Variants in TBC1D19 observed in about 807,000 individuals in gnomAD.
The protein encoded by TBC1D19 is TBC1 domain family, member 19.
TBC1D19 carries 60 observed loss-of-function variants against 89.0 expected under a neutral mutation model. The ratio of observed to expected loss-of-function variants is 0.67; its 90% CI spans 0.55 to 0.84. The LOEUF (loss-of-function observed/expected upper bound fraction) is 0.84. Among genes scored for constraint, TBC1D19 ranks in the 40% least tolerant of loss-of-function variants. TBC1D19 has a pLI of 0.00. For synonymous variants in TBC1D19, 189 were observed against 199.7 expected, an observed-to-expected ratio of 0.95 and a Z score of 0.45; for missense variants, 500 against 610.8, an observed-to-expected ratio of 0.82 and a Z score of 1.91.
chr4:26,733,664 T>G (rs534662130), intron 15 of TBC1D19, among the ~76,000 whole-genome samples: 33 of 152,362 alleles, frequency 2.2e-4, no homozygotes, highest in African/African-American at 7.9e-4. Flanking sequence ...GAGGACATGG[T>G]ATACTTATCA....
the TBC1D19 span, among the ~76,000 whole-genome samples, chr4:26,779,051 G>A: frequency 1.3e-5 from 2 of 152,080 alleles, no homozygotes; most frequent in African/African-American, 2.4e-5. Flanking sequence ...AAAACAGTAC[G>A]GTTAGTCCTT....
chr4:26,707,634 T>C (rs1301634752), intron 13 of TBC1D19, among the ~76,000 whole-genome samples: 1 of 151,890 alleles, frequency 6.6e-6, no homozygotes, highest in Non-Finnish European at 1.5e-5. Flanking sequence ...TTCTTTTGGG[T>C]TTAGTTGGGG....
In TBC1D19 at chr4:26,648,488, A is replaced by G. The variant is rs370807235; in HGVS notation, c.480+8301A>G. On this transcript the variant is annotated intron_variant, in intron 7 of 20. Transcript: ENST00000264866. ...TTCTGGAGATTAGCATAACACTACC[A>G]CAGGTCAGCTGTAAGTTAATCCTGT... Among the ~76,000 whole-genome samples the G allele has an allele frequency of 2.0e-5, 3 of 152,338 alleles. No homozygotes were observed. In the East Asian group the frequency reaches 5.8e-4, roughly 29 times the overall value.
chr4:26,827,353 CA>C, the TBC1D19 span, among the ~76,000 whole-genome samples: 5 of 152,200 alleles, frequency 3.3e-5, no homozygotes, highest in Non-Finnish European at 5.9e-5. Context: ...GCCTGCAATC[CA>C]ATCATTTTGG....
intron 3 of TBC1D19, among the ~76,000 whole-genome samples, chr4:26,620,384 C>T (rs150725335): frequency 2.0e-3 from 304 of 152,292 alleles, no homozygotes; most frequent in African/African-American, 6.8e-3. Flanking sequence ...GAGAATGTTA[C>T]GTCCATGAGA....
At chr4:26,637,677 A>G (rs766452083) in intron 5 of TBC1D19, among the ~76,000 whole-genome samples, 1 of 152,044 alleles carries the variant, frequency 6.6e-6, no homozygotes, top group East Asian at 1.9e-4. Context: ...CGGCCTATTT[A>G]TGTATTTTTA....
chr4:26,709,403 A>G (rs1715989164), intron 13 of TBC1D19, among the ~76,000 whole-genome samples: 1 of 152,110 alleles, frequency 6.6e-6, no homozygotes, highest in African/African-American at 2.4e-5. Flanking sequence ...TACTTCAGCC[A>G]GAGGGGAAGG....
chr4:26,828,656 AT>A, the TBC1D19 span, among the ~76,000 whole-genome samples: 9 of 152,222 alleles, frequency 5.9e-5, no homozygotes, highest in Non-Finnish European at 1.3e-4. Flanking sequence ...TTTGCCACTT[AT>A]TAGCTGTGTG....
intron 4 of TBC1D19, among the ~76,000 whole-genome samples, chr4:26,632,521 G>T (rs890727618): frequency 6.6e-6 from 1 of 151,920 alleles, no homozygotes; most frequent in African/African-American, 2.4e-5. Context: ...TCTTCACATT[G>T]AGTAGGCTGA....
At chr4:26,666,585 C>T (rs1711829901) in intron 9 of TBC1D19, among the ~76,000 whole-genome samples, 180 bp downstream of exon 9, 1 of 151,904 alleles carries the variant, frequency 6.6e-6, no homozygotes, top group African/African-American at 2.4e-5. Context: ...TATTAGACTT[C>T]AACTAAATTT....
the TBC1D19 span, among the ~76,000 whole-genome samples, chr4:26,787,330 G>A: frequency 6.6e-6 from 1 of 152,190 alleles, no homozygotes; most frequent in Admixed American, 6.5e-5. Flanking sequence ...TCAAACTCCT[G>A]AGCTCGGGCA....
chr4:26,606,349 C>T lies in TBC1D19; in HGVS notation c.100-6820C>T, dbSNP rs180784083. Among the ~76,000 whole-genome samples the T allele has an allele frequency of 2.0e-5, 3 of 152,124 alleles. No homozygotes were observed. In the South Asian group the frequency reaches 6.2e-4, roughly 32 times the overall value. On this transcript the variant is annotated intron_variant, in intron 1 of 20. Transcript: ENST00000264866. The stretch of plus-strand genomic sequence containing the variant: ...TTATATGAAGAGAACTTGAAGAACC[C>T]AGGAATATATTGTGGACTTTAAAGG...
At position 26,755,015 on chromosome 4, in the gene TBC1D19, C is replaced by G; in HGVS notation, c.*68C>G. 7.2e-7 allele frequency: 1 copy of G among 1,386,982 alleles called. No individual in the cohort carries two copies. The highest frequency in any genetic ancestry group is 9.8e-7 in the Non-Finnish European group (1 of 1,019,766). 85.9% of individuals were successfully genotyped at this position (1,386,982 alleles called of 1,614,324 possible). ...AAACAAATCATGAACTATGCAAACT[C>G]TGCATAAAACCAAAATGAAACTTTG... On this transcript the variant is annotated 3_prime_UTR_variant, in exon 21 of 21. Transcript: ENST00000264866.
chr4:26,794,130 G>T, the TBC1D19 span, among the ~76,000 whole-genome samples: 1 of 152,050 alleles, frequency 6.6e-6, no homozygotes, highest in African/African-American at 2.4e-5. Context: ...TATTATAGGA[G>T]CAAAAAGAAA....
In TBC1D19 at chr4:26,754,925, TTC is replaced by T; in HGVS notation, c.1561_1562del (p.Leu521ValfsTer35). 6.2e-7 allele frequency: 1 copy of T among 1,606,626 alleles called. No homozygotes were observed. The highest frequency in any genetic ancestry group is 8.5e-7 in the Non-Finnish European group (1 of 1,177,818). On this transcript the variant is annotated frameshift_variant, in exon 21 of 21. Coordinates refer to ENST00000264866, the MANE Select transcript of TBC1D19 (RefSeq NM_018317.4). LOFTEE classifies it high-confidence loss of function. Reference sequence around the variant, plus strand: ...AAAGTTATGCCTCTTCTTCAGATTTTTCTGTTTGCTACTGTCACCTGATCTTC... The same window carrying T: ...AAAGTTATGCCTCTTCTTCAGATTTTTGTTTGCTACTGTCACCTGATCTTC...
the TBC1D19 span, among the ~76,000 whole-genome samples, chr4:26,782,915 A>T: frequency 6.6e-6 from 1 of 152,166 alleles, no homozygotes; most frequent in Non-Finnish European, 1.5e-5. Flanking sequence ...ATGATCAAAC[A>T]TGACTCTCAA....
the TBC1D19 span, among the ~76,000 whole-genome samples, chr4:26,815,385 T>C: frequency 2.6e-5 from 4 of 152,246 alleles, no homozygotes; most frequent in Admixed American, 2.0e-4. Flanking sequence ...CTTGAGTTCT[T>C]AATTGATTTT....
the TBC1D19 span, among the ~76,000 whole-genome samples, chr4:26,805,996 C>T: frequency 1.3e-5 from 2 of 152,076 alleles, no homozygotes; most frequent in South Asian, 4.2e-4. Context: ...GAAAAAGTAT[C>T]AGACCCAGAT....
chr4:26,659,521 G>T, intron 7 of TBC1D19, 76 bp from the exon 8 acceptor site: 1 of 888,852 alleles, frequency 1.1e-6, no homozygotes. Flanking sequence ...GATACACTAA[G>T]AATATCCCTG....
Sources: gnomAD v4.1 joint callset for allele counts (sites outside exome capture counted in the v4.1 genomes callset) on GRCh38, gnomAD v4.1.1 for gene constraint, MANE v1.5 for transcripts, NCBI Gene and HGNC (gene_info 2026-07-23, HGNC 2026-07-21) for gene names.